Variants in LRRC7 observed in about 807,000 individuals in gnomAD.
LRRC7 encodes leucine-rich repeat-containing protein 7.
In LRRC7, 23 loss-of-function variants were observed where a neutral mutation model predicts 175.7. The ratio of observed to expected loss-of-function variants is 0.13; its 90% confidence interval spans 0.09 to 0.19. The LOEUF (loss-of-function observed/expected upper bound fraction) is 0.19, where lower values mean the gene tolerates loss of function less well. Among genes scored for constraint, LRRC7 ranks in the 10% least tolerant of loss-of-function variants. LRRC7 has a pLI of 1.00. For missense variants in LRRC7, 1,354 were observed against 1,904.7 expected, an observed-to-expected ratio of 0.71 and a Z score of 5.38; for synonymous variants, 685 against 680.9, an observed-to-expected ratio of 1.01 and a Z score of -0.09.
At chr1:69,764,078 A>C (rs1391584850) in intron 3 of LRRC7, among the ~76,000 whole-genome samples, 1 of 152,034 alleles carries the variant, frequency 6.6e-6, no homozygotes, top group Non-Finnish European at 1.5e-5. Context: ...TAGATATGAA[A>C]GAACAGGAAG....
At chr1:69,826,673 T>C (rs1679946322) in intron 5 of LRRC7, among the ~76,000 whole-genome samples, 1 of 152,190 alleles carries the variant, frequency 6.6e-6, no homozygotes, top group Admixed American at 6.6e-5. Flanking sequence ...ATTTTAATTA[T>C]ACAAAGCTGA....
At chr1:69,794,035 G>A (rs1675428583) in intron 4 of LRRC7, among the ~76,000 whole-genome samples, 1 of 152,182 alleles carries the variant, frequency 6.6e-6, no homozygotes, top group African/African-American at 2.4e-5. Context: ...ATGTTACAAT[G>A]ATAAATTCTT....
At chr1:69,795,677 G>A (rs1323521110) in intron 4 of LRRC7, among the ~76,000 whole-genome samples, 3 of 152,100 alleles carry the variant, frequency 2.0e-5, no homozygotes, top group Non-Finnish European at 4.4e-5. Context: ...TAAATTAGAT[G>A]AGTGACCCCT....
At chr1:69,818,831 T>C (rs987234798) in intron 4 of LRRC7, among the ~76,000 whole-genome samples, 1 of 152,104 alleles carries the variant, frequency 6.6e-6, no homozygotes, top group African/African-American at 2.4e-5. Flanking sequence ...GCAGGCTCTA[T>C]ATCAATAAGA....
intron 7 of LRRC7, among the ~76,000 whole-genome samples, chr1:69,929,030 C>G (rs1179117247): frequency 1.3e-5 from 2 of 152,240 alleles, no homozygotes; most frequent in East Asian, 3.8e-4. Context: ...TGTCCCTAGT[C>G]ACTTTTCAGT....
chr1:69,591,575 T>C (rs1646636277), intron 1 of LRRC7, among the ~76,000 whole-genome samples: 2 of 152,086 alleles, frequency 1.3e-5, no homozygotes, highest in Non-Finnish European at 2.9e-5. Flanking sequence ...TTTATAAATC[T>C]GGTCCTTAGT....
chr1:69,568,602 G>A lies in LRRC7; in HGVS notation c.-38G>A. 7.4e-7 allele frequency: 1 copy of A among 1,350,348 alleles called. No homozygotes were observed. The highest frequency in any genetic ancestry group is 2.0e-5 in the Admixed American group (1 of 50,846). The allele number at this position is 1,350,348 out of a possible 1,614,324, so 83.6% of individuals were successfully genotyped here. A position where few individuals can be genotyped will look rare whatever the true frequency, so the allele number is the denominator to read the frequency against. Reference sequence around the variant, plus strand: ...TAACCCTTGGCAGCTGCACGACTACGCTCTCCGAAACCTCATGGGCAGTTT... The same window carrying A: ...TAACCCTTGGCAGCTGCACGACTACACTCTCCGAAACCTCATGGGCAGTTT... On this transcript the variant is annotated 5_prime_UTR_variant, in exon 1 of 27. Transcript: ENST00000651989.
intron 7 of LRRC7, among the ~76,000 whole-genome samples, chr1:69,895,837 A>G (rs373112066): frequency 6.6e-6 from 1 of 152,196 alleles, no homozygotes; most frequent in South Asian, 2.1e-4. Context: ...CCTAGTGGTG[A>G]ATATTTGTGT....
At chr1:69,875,018 T>C (rs2101592972) in intron 7 of LRRC7, 1 of 152,222 alleles carries the variant, frequency 6.6e-6, no homozygotes, top group South Asian at 2.1e-4. Flanking sequence ...TGCTGTAGAA[T>C]AAGTTGCACT....
intron 25 of LRRC7, among the ~76,000 whole-genome samples, chr1:70,096,451 T>A (rs1440963292): frequency 6.6e-6 from 1 of 152,146 alleles, no homozygotes; most frequent in Non-Finnish European, 1.5e-5. Flanking sequence ...GGACTATCAT[T>A]TAAACCCTGA....
intron 1 of LRRC7, among the ~76,000 whole-genome samples, chr1:69,635,579 C>A (rs1262047280): frequency 6.6e-6 from 1 of 151,900 alleles, no homozygotes; most frequent in African/African-American, 2.4e-5. Flanking sequence ...ATCTAAAATG[C>A]TTTTGTAATA....
chr1:70,030,254 T>C (rs1004640913), intron 18 of LRRC7, among the ~76,000 whole-genome samples: 1 of 152,250 alleles, frequency 6.6e-6, no homozygotes, highest in Admixed American at 6.5e-5. Flanking sequence ...TGACTTCTTA[T>C]TGCTAAGGCT....
intron 1 of LRRC7, among the ~76,000 whole-genome samples, chr1:69,665,014 T>C (rs1437162912): frequency 5.3e-5 from 8 of 152,146 alleles, no homozygotes; most frequent in Admixed American, 5.2e-4. Context: ...TTTCATTTTT[T>C]TTGCCAGTGG....
At chr1:69,941,810 C>T (rs898195056) in intron 8 of LRRC7, among the ~76,000 whole-genome samples, 2 of 152,012 alleles carry the variant, frequency 1.3e-5, no homozygotes, top group African/African-American at 2.4e-5. Flanking sequence ...TGGTTTCATG[C>T]TCTTTGACAG....
intron 4 of LRRC7, among the ~76,000 whole-genome samples, chr1:69,811,832 A>G (rs1454909934): frequency 1.3e-5 from 2 of 152,160 alleles, no homozygotes; most frequent in East Asian, 3.9e-4. Context: ...TGACAGGTTG[A>G]TGGGTGCAGC....
At chr1:69,773,393 T>C (rs776876000) in intron 3 of LRRC7, among the ~76,000 whole-genome samples, 1 of 152,096 alleles carries the variant, frequency 6.6e-6, no homozygotes, top group Non-Finnish European at 1.5e-5. Context: ...CACTGAAGTT[T>C]GTTCAAACCA....
In LRRC7 at chr1:69,928,397, A is replaced by C. The variant is rs184053995; in HGVS notation, c.648-3110A>C. On this transcript the variant is annotated intron_variant, in intron 7 of 26. Transcript: ENST00000651989. ...CTGCTGTCTTTTTGTTTGTCTGTGC[A>C]CTGCCCCCAGCGGTGGAGCCTACAG... 8.2e-3 allele frequency among the ~76,000 whole-genome samples: 1,252 copies of C among 152,280 alleles called. 16 individuals carry two copies. Among genetic ancestry groups the C allele is most frequent in the African/African-American group, 0.028 (1,143 of 41,550 alleles).
intron 22 of LRRC7, among the ~76,000 whole-genome samples, chr1:70,049,285 G>A (rs1247724119): frequency 1.3e-5 from 2 of 152,040 alleles, no homozygotes; most frequent in African/African-American, 4.8e-5. Context: ...AGCAATATTT[G>A]CACCTAAACT....
At chr1:69,994,524 G>T in intron 10 of LRRC7, 37 bp from the exon 11 acceptor site, 1 of 1,306,590 alleles carries the variant, frequency 7.7e-7, no homozygotes. Flanking sequence ...GTCATAATCT[G>T]CTCTTATGTA....
Sources: gnomAD v4.1 joint callset for allele counts (sites outside exome capture counted in the v4.1 genomes callset) on GRCh38, gnomAD v4.1.1 for gene constraint, MANE v1.5 for transcripts, NCBI Gene and HGNC (gene_info 2026-07-23, HGNC 2026-07-21) for gene names.